The following LINGO2 variants were observed in gnomAD, a reference collection of about 807,000 sequenced individuals.
LINGO2 encodes leucine rich repeat and Ig domain containing 2, also known as leucine-rich repeat and immunoglobulin-like domain-containing nogo receptor-interacting protein 2.
A neutral mutation model predicts 30.6 loss-of-function variants in LINGO2; 14 were observed. The observed-to-expected ratio is 0.46, with a 90% CI of 0.30 to 0.72. The LOEUF is 0.72. LINGO2 is among the 30% of genes least tolerant of loss of function. The pLI is 0.07. For missense variants in LINGO2, 729 were observed against 751.7 expected (o/e 0.97, Z 0.35); for synonymous variants, 317 against 288.5 (o/e 1.10, Z -1.00).
At chr9:28,462,972 G>A (rs945137388) in intron 2 of LINGO2, among the ~76,000 whole-genome samples, 8 of 152,044 alleles carry the variant, frequency 5.3e-5, no homozygotes, top group African/African-American at 1.9e-4. Flanking sequence ...TGCAAATCGT[G>A]GGAACTACAT....
intron 3 of LINGO2, among the ~76,000 whole-genome samples, chr9:28,319,820 A>G (rs1326124301): frequency 6.6e-6 from 1 of 152,120 alleles, no homozygotes; most frequent in Non-Finnish European, 1.5e-5. Flanking sequence ...GTCCAAACTC[A>G]TAGAACTGAA....
chr9:28,790,325 C>CTTTTTTTTTTTTTTTTTTTTTTTTTTTTT, the LINGO2 span, among the ~76,000 whole-genome samples: 1 of 106,300 alleles, frequency 9.4e-6, no homozygotes, highest in Non-Finnish European at 1.8e-5. Flanking sequence ...TCTTTTCTTT[C>CTTTTTTTTTTTTTTTTTTTTTTTTTTTTT]TTTTTTTTTT....
the LINGO2 span, among the ~76,000 whole-genome samples, chr9:28,977,006 T>G: frequency 1.3e-4 from 20 of 152,166 alleles, no homozygotes; most frequent in Non-Finnish European, 2.8e-4. Context: ...AGTTAGCGTT[T>G]ATAAATGTAA....
chr9:28,939,439 T>A, the LINGO2 span, among the ~76,000 whole-genome samples: 1 of 152,198 alleles, frequency 6.6e-6, no homozygotes, highest in Non-Finnish European at 1.5e-5. Context: ...CATTTTTTCA[T>A]ATACTTGACC....
chr9:29,160,993 T>G, the LINGO2 span, among the ~76,000 whole-genome samples: 1 of 152,210 alleles, frequency 6.6e-6, no homozygotes, highest in Non-Finnish European at 1.5e-5. Context: ...TGGCTCGGGC[T>G]GGCGCCCAAA....
intron 4 of LINGO2, among the ~76,000 whole-genome samples, chr9:28,164,375 C>A (rs1828369579): frequency 6.6e-6 from 1 of 152,132 alleles, no homozygotes; most frequent in Non-Finnish European, 1.5e-5. Flanking sequence ...TTGCCAGAAG[C>A]TATCCTAAGA....
At chr9:28,847,170 C>T in the LINGO2 span, among the ~76,000 whole-genome samples, 1 of 148,184 alleles carries the variant, frequency 6.7e-6, no homozygotes, top group African/African-American at 2.5e-5. Flanking sequence ...ACAGACTTGC[C>T]CATTATGCTC....
At chr9:27,980,971 C>T (rs1272018335) in intron 5 of LINGO2, among the ~76,000 whole-genome samples, 1 of 151,770 alleles carries the variant, frequency 6.6e-6, no homozygotes, top group Non-Finnish European at 1.5e-5. Flanking sequence ...GAAAGCAAAC[C>T]ACAGGTCAGT....
chr9:28,342,259 T>C (rs1825792110), intron 3 of LINGO2, among the ~76,000 whole-genome samples: 1 of 152,188 alleles, frequency 6.6e-6, no homozygotes. Context: ...ATGTTGTTAC[T>C]TGTCCTTGAT....
the LINGO2 span, among the ~76,000 whole-genome samples, chr9:28,908,354 T>C: frequency 6.6e-6 from 1 of 151,834 alleles, no homozygotes; most frequent in Non-Finnish European, 1.5e-5. Context: ...GTAGTGGAAA[T>C]AAGTTGCTGT....
At chr9:28,776,637 C>T in the LINGO2 span, among the ~76,000 whole-genome samples, 4 of 152,188 alleles carry the variant, frequency 2.6e-5, no homozygotes, top group South Asian at 2.1e-4. Context: ...GTTAAGGGCA[C>T]GATGCATACC....
At chr9:28,416,152 T>A (rs1019217150) in intron 2 of LINGO2, among the ~76,000 whole-genome samples, 1 of 152,150 alleles carries the variant, frequency 6.6e-6, no homozygotes. Context: ...GGAGTAGCTA[T>A]AGCAGATATG....
intron 5 of LINGO2, among the ~76,000 whole-genome samples, chr9:27,967,797 A>T (rs1820170693): frequency 6.6e-6 from 1 of 152,146 alleles, no homozygotes; most frequent in East Asian, 1.9e-4. Context: ...CCTTTTCCAG[A>T]TACAGCTGCA....
At chr9:28,040,661 T>C (rs1169961065) in intron 4 of LINGO2, among the ~76,000 whole-genome samples, 1 of 152,160 alleles carries the variant, frequency 6.6e-6, no homozygotes, top group Non-Finnish European at 1.5e-5. Flanking sequence ...TACTACCTAA[T>C]AGCTGCTTTG....
At chr9:29,134,495 G>A in the LINGO2 span, among the ~76,000 whole-genome samples, 1 of 151,670 alleles carries the variant, frequency 6.6e-6, no homozygotes, top group Non-Finnish European at 1.5e-5. Flanking sequence ...GTGTTTATAT[G>A]AAACCACATA....
chr9:29,092,061 T>C, the LINGO2 span, among the ~76,000 whole-genome samples: 332 of 152,090 alleles, frequency 2.2e-3, 1 homozygote, highest in African/African-American at 7.8e-3. Context: ...ATGATGATCA[T>C]ACAGATGTAC....
intron 2 of LINGO2, among the ~76,000 whole-genome samples, chr9:28,417,185 G>A (rs1233495686): frequency 6.6e-6 from 1 of 152,132 alleles, no homozygotes; most frequent in African/African-American, 2.4e-5. Context: ...CTCTGGCAAG[G>A]CCAACTTGTT....
At chr9:29,016,254 A>G in the LINGO2 span, among the ~76,000 whole-genome samples, 1 of 152,176 alleles carries the variant, frequency 6.6e-6, no homozygotes, top group Non-Finnish European at 1.5e-5. Flanking sequence ...ACTAACCAAA[A>G]ACTCTTGAAT....
At chr9:28,937,197 A>C in the LINGO2 span, among the ~76,000 whole-genome samples, 1 of 152,124 alleles carries the variant, frequency 6.6e-6, no homozygotes, top group East Asian at 1.9e-4. Context: ...CATTCACCCC[A>C]TCTCAATAGT....
Sources: gnomAD v4.1 joint callset for allele counts (sites outside exome capture counted in the v4.1 genomes callset) on GRCh38, gnomAD v4.1.1 for gene constraint, MANE v1.5 for transcripts, NCBI Gene and HGNC (gene_info 2026-07-23, HGNC 2026-07-21) for gene names.